The following ARHGAP15 variants were observed in gnomAD, a reference collection of about 807,000 sequenced individuals.
ARHGAP15 encodes the protein Rho GTPase activating protein 15.
A neutral mutation model predicts 63.7 loss-of-function variants in ARHGAP15; 51 were observed. The observed-to-expected ratio is 0.80, with a 90% CI of 0.64 to 1.01. The LOEUF (loss-of-function observed/expected upper bound fraction) is 1.01, where lower values mean the gene tolerates loss of function less well. ARHGAP15 is among the 50% of genes least tolerant of loss of function. The pLI, the probability that ARHGAP15 is intolerant of heterozygous loss-of-function variation, is 0.00. For synonymous variants in ARHGAP15, 191 were observed against 193.8 expected (o/e 0.99, Z 0.12); for missense variants, 560 against 564.6 (o/e 0.99, Z 0.08).
At chr2:143,347,258 G>T (rs1224409727) in intron 6 of ARHGAP15, among the ~76,000 whole-genome samples, 2 of 152,060 alleles carry the variant, frequency 1.3e-5, no homozygotes, top group Non-Finnish European at 2.9e-5. Flanking sequence ...GTTAACACAG[G>T]CTCTAAAAAA....
chr2:143,248,978 C>T (rs1237877700), intron 5 of ARHGAP15, among the ~76,000 whole-genome samples: 2 of 152,046 alleles, frequency 1.3e-5, no homozygotes, highest in African/African-American at 2.4e-5. Context: ...CTGAGTATCC[C>T]CTAATGTAAT....
intron 10 of ARHGAP15, among the ~76,000 whole-genome samples, chr2:143,531,462 C>T (rs1694521591): frequency 6.6e-6 from 1 of 152,076 alleles, no homozygotes; most frequent in East Asian, 1.9e-4. Flanking sequence ...CAAATTAACC[C>T]TTGGATTTGA....
chr2:143,462,034 G>C (rs927934242), intron 8 of ARHGAP15, among the ~76,000 whole-genome samples: 4 of 151,946 alleles, frequency 2.6e-5, no homozygotes, highest in Non-Finnish European at 1.5e-5. Context: ...GCAGCTACTC[G>C]GAGTAGTTCC....
chr2:143,218,325 G>T (rs1261342705), intron 4 of ARHGAP15, among the ~76,000 whole-genome samples: 1 of 134,178 alleles, frequency 7.5e-6, no homozygotes, highest in Non-Finnish European at 1.5e-5. Context: ...GTTACCCCAG[G>T]TGCACAGAAT....
chr2:143,724,916 C>T (rs1229816451), intron 13 of ARHGAP15, among the ~76,000 whole-genome samples: 1 of 152,196 alleles, frequency 6.6e-6, no homozygotes, highest in Non-Finnish European at 1.5e-5. Flanking sequence ...TTCGCTATTT[C>T]ACAGAAATTT....
At position 143,291,052 on chromosome 2, in the gene ARHGAP15, C is replaced by T. The variant is rs190963074; in HGVS notation, c.474+40452C>T. Reference sequence around the variant, plus strand: ...GTACTGTTCTGTGGCCTGAAAGTGGCATTGAGCTGATCACAACAGAATGCC... The same window carrying T: ...GTACTGTTCTGTGGCCTGAAAGTGGTATTGAGCTGATCACAACAGAATGCC... On this transcript the variant is annotated intron_variant, in intron 6 of 13. Transcript: ENST00000295095. 6.0e-3 allele frequency among the ~76,000 whole-genome samples: 907 copies of T among 152,142 alleles called. 5 individuals carry two copies. Among genetic ancestry groups the T allele is most frequent in the Non-Finnish European group, 8.9e-3 (603 of 68,004 alleles).
intron 10 of ARHGAP15, among the ~76,000 whole-genome samples, chr2:143,547,509 A>G (rs1436230861): frequency 1.3e-5 from 2 of 152,066 alleles, no homozygotes; most frequent in Non-Finnish European, 2.9e-5. Context: ...AATATTTTTG[A>G]AAGTATACTA....
At chr2:143,376,612 C>CACTAA (rs2104929086) in intron 6 of ARHGAP15, among the ~76,000 whole-genome samples, 1 of 152,090 alleles carries the variant, frequency 6.6e-6, no homozygotes, top group East Asian at 1.9e-4. Context: ...TGGAAGCTAA[C>CACTAA]ACTAAGCATT....
chr2:143,483,586 C>T (rs1692177233), intron 8 of ARHGAP15, among the ~76,000 whole-genome samples: 1 of 152,156 alleles, frequency 6.6e-6, no homozygotes, highest in African/African-American at 2.4e-5. Context: ...TTAAGTGTTT[C>T]TTCAGTCTCC....
intron 3 of ARHGAP15, among the ~76,000 whole-genome samples, chr2:143,206,050 A>AG (rs1692319693): frequency 6.6e-6 from 1 of 152,018 alleles, no homozygotes; most frequent in African/African-American, 2.4e-5. Context: ...TCCTCTCTCA[A>AG]ACACATACCC....
At chr2:143,659,626 C>T (rs987021836) in intron 12 of ARHGAP15, among the ~76,000 whole-genome samples, 1 of 152,096 alleles carries the variant, frequency 6.6e-6, no homozygotes, top group Non-Finnish European at 1.5e-5. Context: ...TAGCAGTATC[C>T]CTTCCAAGCC....
intron 13 of ARHGAP15, among the ~76,000 whole-genome samples, chr2:143,746,075 A>G (rs1686152420): frequency 6.6e-6 from 1 of 152,178 alleles, no homozygotes. Context: ...ACACAATTCT[A>G]TATGTCAGTG....
intron 4 of ARHGAP15, among the ~76,000 whole-genome samples, chr2:143,221,596 T>A (rs1692999911): frequency 6.6e-6 from 1 of 152,162 alleles, no homozygotes; most frequent in Non-Finnish European, 1.5e-5. Flanking sequence ...TATGACACCT[T>A]AGTAAAAAGT....
At chr2:143,539,057 G>T (rs1384182270) in intron 10 of ARHGAP15, among the ~76,000 whole-genome samples, 5 of 152,106 alleles carry the variant, frequency 3.3e-5, no homozygotes, top group South Asian at 2.1e-4. Flanking sequence ...CAATTTCAGA[G>T]CCTGTTATTG....
chr2:143,337,599 C>T (rs531606357), intron 6 of ARHGAP15, among the ~76,000 whole-genome samples: 2 of 152,096 alleles, frequency 1.3e-5, no homozygotes, highest in African/African-American at 2.4e-5. Flanking sequence ...CTGTACAATA[C>T]CTTCTTTTCA....
intron 12 of ARHGAP15, among the ~76,000 whole-genome samples, chr2:143,680,358 T>C (rs553519827): frequency 1.3e-5 from 2 of 152,368 alleles, no homozygotes; most frequent in East Asian, 3.9e-4. Flanking sequence ...GCAGCAATTG[T>C]AGCTTAAATT....
intron 1 of ARHGAP15, among the ~76,000 whole-genome samples, chr2:143,131,737 C>A (rs938033001): frequency 6.6e-6 from 1 of 152,122 alleles, no homozygotes; most frequent in East Asian, 1.9e-4. Context: ...CTTTCTCCCC[C>A]CAGTGGAATT....
In ARHGAP15 at chr2:143,471,415, T is replaced by G. The variant is rs540128576; in HGVS notation, c.704-15958T>G. On this transcript the variant is annotated intron_variant, in intron 8 of 13. Transcript: ENST00000295095. ...TAAGTAATTAAAAAATTGGCAAAAA[T>G]CCTGCTCTGGGAAAGCCTCTCTAAT... Among the ~76,000 whole-genome samples, 8 of 151,752 alleles carry G rather than the reference T, an allele frequency of 5.3e-5. No homozygotes were observed. The East Asian group carries it at 1.4e-3, about 26-fold the overall frequency.
At chr2:143,225,471 G>A (rs11900820) in intron 4 of ARHGAP15, among the ~76,000 whole-genome samples, 77,615 of 151,818 alleles carry the variant, frequency 0.51, 20,173 homozygotes, top group East Asian at 0.77. Context: ...CGTGTTGGTG[G>A]GCGCCTGTAG....
Sources: gnomAD v4.1 joint callset for allele counts (sites outside exome capture counted in the v4.1 genomes callset) on GRCh38, gnomAD v4.1.1 for gene constraint, MANE v1.5 for transcripts, NCBI Gene and HGNC (gene_info 2026-07-23, HGNC 2026-07-21) for gene names.